Variants in CACNA2D3 observed in about 807,000 individuals in gnomAD.
The protein encoded by CACNA2D3 is voltage-dependent calcium channel subunit alpha-2/delta-3.
A neutral mutation model predicts 160.6 loss-of-function variants in CACNA2D3; 60 were observed. The ratio of observed to expected loss-of-function variants is 0.37; its 90% confidence interval spans 0.30 to 0.46. The LOEUF (loss-of-function observed/expected upper bound fraction) is 0.46. Ranked by LOEUF, CACNA2D3 falls within the 20% of genes least tolerant of loss-of-function variation. The probability of loss-of-function intolerance (pLI) is 1.00; values close to 1 mark genes in which losing one functional copy is unlikely to be tolerated. For synonymous variants in CACNA2D3, 558 were observed against 492.9 expected (o/e 1.13, Z -1.75); for missense variants, 1,205 against 1,365.0 (o/e 0.88, Z 1.85).
chr3:54,895,592 A>G (rs1368055013), intron 25 of CACNA2D3, among the ~76,000 whole-genome samples: 2 of 152,180 alleles, frequency 1.3e-5, no homozygotes, highest in East Asian at 3.9e-4. Context: ...ATTTCTCTCC[A>G]TGGTCCTTGT....
intron 35 of CACNA2D3, among the ~76,000 whole-genome samples, chr3:55,053,919 A>G (rs1261504023): frequency 1.3e-5 from 2 of 151,798 alleles, no homozygotes; most frequent in Non-Finnish European, 3.0e-5. Context: ...GAAGTTACTG[A>G]TATTATTGGC....
intron 35 of CACNA2D3, among the ~76,000 whole-genome samples, chr3:55,060,081 G>T (rs554263273): frequency 1.1e-3 from 164 of 152,208 alleles, no homozygotes; most frequent in African/African-American, 3.8e-3. Context: ...CAGGCTTGAA[G>T]GTGGGGCCTT....
chr3:54,598,946 AATGTCCAAAG>A (rs1165083073), intron 9 of CACNA2D3, among the ~76,000 whole-genome samples: 1 of 152,178 alleles, frequency 6.6e-6, no homozygotes, highest in Non-Finnish European at 1.5e-5. Flanking sequence ...GCCAGCATCT[AATGTCCAAAG>A]AATTCTGGTT....
At chr3:54,986,870 A>G (rs1205095502) in intron 30 of CACNA2D3, among the ~76,000 whole-genome samples, 10 of 152,144 alleles carry the variant, frequency 6.6e-5, no homozygotes, top group African/African-American at 2.4e-4. Context: ...TGCACTGCGT[A>G]CGCCCTCCCC....
chr3:55,024,563 G>A (rs1703525241), intron 35 of CACNA2D3, among the ~76,000 whole-genome samples: 1 of 152,134 alleles, frequency 6.6e-6, no homozygotes, highest in Non-Finnish European at 1.5e-5. Context: ...TAAAGACACA[G>A]CTAAAAGGTG....
chr3:54,232,757 G>A (rs950773114), intron 2 of CACNA2D3, among the ~76,000 whole-genome samples: 2 of 152,116 alleles, frequency 1.3e-5, no homozygotes, highest in African/African-American at 4.8e-5. Flanking sequence ...ATTTATGGTG[G>A]CACAGGAGGC....
chr3:54,902,219 G>C (rs1700349038), intron 27 of CACNA2D3, among the ~76,000 whole-genome samples: 1 of 152,206 alleles, frequency 6.6e-6, no homozygotes, highest in South Asian at 2.1e-4. Context: ...GGAAAGGCCA[G>C]CTTCGCTCCC....
chr3:54,377,585 C>T (rs755545485), intron 3 of CACNA2D3, among the ~76,000 whole-genome samples: 2 of 152,216 alleles, frequency 1.3e-5, no homozygotes, highest in Non-Finnish European at 2.9e-5. Context: ...GATTCACACA[C>T]TGAGGTACAG....
chr3:54,380,612 C>T (rs1699085853), intron 3 of CACNA2D3, among the ~76,000 whole-genome samples: 1 of 151,990 alleles, frequency 6.6e-6, no homozygotes, highest in South Asian at 2.1e-4. Context: ...GTAGCGGGCA[C>T]CTGTAGTCCC....
Position 54,248,128 on chromosome 3 carries a change from A to G in CACNA2D3, c.205-72314A>G, listed in dbSNP as rs59048990. Among the ~76,000 whole-genome samples the G allele has an allele frequency of 7.5e-3, 1,147 of 152,206 alleles. 14 individuals are homozygous for G. The highest frequency in any genetic ancestry group is 0.026 in the African/African-American group (1,100 of 41,526). ...AAGCTCTGATTCCCAATGTGACTATATGTGGAGATAGGGTCTTTTAGAAGG... is the reference window on the plus strand; with the variant it reads ...AAGCTCTGATTCCCAATGTGACTATGTGTGGAGATAGGGTCTTTTAGAAGG... On this transcript the variant is annotated intron_variant, in intron 2 of 37. Coordinates refer to ENST00000474759, the MANE Select transcript of CACNA2D3 (RefSeq NM_018398.3).
chr3:54,453,238 C>T (rs1346217723), intron 4 of CACNA2D3, among the ~76,000 whole-genome samples: 2 of 152,148 alleles, frequency 1.3e-5, no homozygotes, highest in Non-Finnish European at 1.5e-5. Flanking sequence ...AGTTATCTGC[C>T]CTCCTTAACC....
intron 5 of CACNA2D3, among the ~76,000 whole-genome samples, chr3:54,560,710 T>C (rs1351429701): frequency 6.6e-6 from 1 of 152,196 alleles, no homozygotes; most frequent in Admixed American, 6.5e-5. Flanking sequence ...TAGTTTTGGG[T>C]TTTACATTTA....
intron 2 of CACNA2D3, among the ~76,000 whole-genome samples, chr3:54,187,288 C>T (rs529019733): frequency 1.2e-3 from 178 of 152,276 alleles, no homozygotes; most frequent in Non-Finnish European, 2.1e-3. Flanking sequence ...TTAATATACT[C>T]GGTTGAATAC....
intron 11 of CACNA2D3, among the ~76,000 whole-genome samples, chr3:54,695,077 GCA>G (rs1370585964): frequency 1.3e-5 from 2 of 152,196 alleles, no homozygotes; most frequent in African/African-American, 4.8e-5. Context: ...GAGTGCAATG[GCA>G]CAGTCTCGGC....
intron 17 of CACNA2D3, among the ~76,000 whole-genome samples, chr3:54,847,792 A>G (rs757846541): frequency 2.0e-5 from 3 of 152,226 alleles, no homozygotes; most frequent in African/African-American, 4.8e-5. Context: ...ATTGAAGTTT[A>G]AAACTCTTAG....
intron 27 of CACNA2D3, among the ~76,000 whole-genome samples, chr3:54,915,198 T>C (rs1391829990): frequency 6.6e-6 from 1 of 152,202 alleles, no homozygotes; most frequent in Non-Finnish European, 1.5e-5. Flanking sequence ...ATATTTGCCT[T>C]ATTTGTAAAA....
chr3:54,678,424 T>TA (rs1012976952), intron 11 of CACNA2D3, among the ~76,000 whole-genome samples: 20 of 152,002 alleles, frequency 1.3e-4, no homozygotes, highest in Non-Finnish European at 2.2e-4. Context: ...AAGAGCACAA[T>TA]AAAAAAGTAG....
chr3:54,151,999 T>TA (rs1700160656), intron 2 of CACNA2D3, among the ~76,000 whole-genome samples: 2 of 152,242 alleles, frequency 1.3e-5, no homozygotes, highest in Non-Finnish European at 2.9e-5. Context: ...TATGAAGCCT[T>TA]TGCTAAGCTC....
chr3:54,516,416 A>G (rs1701552508), intron 5 of CACNA2D3, among the ~76,000 whole-genome samples: 2 of 148,104 alleles, frequency 1.4e-5, no homozygotes, highest in Non-Finnish European at 3.0e-5. Flanking sequence ...TTCCACCCTC[A>G]CTTCACGGTG....
Sources: gnomAD v4.1 joint callset for allele counts (sites outside exome capture counted in the v4.1 genomes callset) on GRCh38, gnomAD v4.1.1 for gene constraint, MANE v1.5 for transcripts, NCBI Gene and HGNC (gene_info 2026-07-23, HGNC 2026-07-21) for gene names.